The following GSTCD variants were observed in gnomAD, a reference collection of about 807,000 sequenced individuals.
GSTCD encodes glutathione S-transferase C-terminal domain-containing protein.
GSTCD carries 44 observed loss-of-function variants against 68.3 expected under a neutral mutation model. That is an observed-to-expected ratio of 0.64 (90% CI 0.51 to 0.83). The LOEUF (loss-of-function observed/expected upper bound fraction) is 0.83, where lower values mean the gene tolerates loss of function less well. Among genes scored for constraint, GSTCD ranks in the 40% least tolerant of loss-of-function variants. The pLI is 0.00. For synonymous variants in GSTCD, 273 were observed against 255.2 expected (o/e 1.07, Z -0.67); for missense variants, 739 against 735.9 (o/e 1.00, Z -0.05).
chr4:105,802,727 T>G (rs903864849), intron 5 of GSTCD, among the ~76,000 whole-genome samples: 1 of 152,130 alleles, frequency 6.6e-6, no homozygotes, highest in African/African-American at 2.4e-5. Context: ...ATTCAGGAGG[T>G]TCTCTTAAGC....
chr4:105,807,719 A>G (rs1182047299), intron 5 of GSTCD, among the ~76,000 whole-genome samples: 1 of 152,104 alleles, frequency 6.6e-6, no homozygotes, highest in Non-Finnish European at 1.5e-5. Flanking sequence ...CAGGGAGCAC[A>G]TGGTATCAGT....
chr4:105,811,562 A>G (rs1722753315), intron 5 of GSTCD, among the ~76,000 whole-genome samples: 2 of 149,174 alleles, frequency 1.3e-5, no homozygotes, highest in African/African-American at 2.5e-5. Flanking sequence ...GGATAGCATT[A>G]GGAGATATAC....
intron 4 of GSTCD, 37 bp from the exon 5 acceptor site, chr4:105,729,369 A>C: frequency 2.3e-6 from 3 of 1,325,090 alleles, no homozygotes; most frequent in Non-Finnish European, 3.2e-6. Context: ...GACTATATTA[A>C]TTCCTTAATT....
chr4:105,825,290 C>T (rs569484995), intron 7 of GSTCD, among the ~76,000 whole-genome samples: 12 of 152,158 alleles, frequency 7.9e-5, no homozygotes, highest in South Asian at 6.2e-4. Context: ...CTACTATGCC[C>T]GGCTAATTTT....
intron 5 of GSTCD, among the ~76,000 whole-genome samples, chr4:105,747,889 T>TTCG (rs1578432484): frequency 6.6e-6 from 1 of 151,360 alleles, no homozygotes; most frequent in Admixed American, 6.6e-5. Flanking sequence ...GTGTAAACAG[T>TTCG]TTGTTGTTGT....
intron 8 of GSTCD, 22 bp downstream of exon 8, chr4:105,825,822 AT>A (rs1723575392): frequency 7.2e-7 from 1 of 1,390,652 alleles, no homozygotes; most frequent in Non-Finnish European, 1.0e-6. Flanking sequence ...AGTAATTTCA[AT>A]TTCTTTAATT....
At chr4:105,826,186 T>A (rs1723596651) in intron 8 of GSTCD, 2 of 152,342 alleles carry the variant, frequency 1.3e-5, no homozygotes, top group African/African-American at 4.8e-5. Flanking sequence ...TTGTTAGTAA[T>A]CTCTAAATAC....
At chr4:105,837,776 ATTT>A (rs1393003700) in intron 9 of GSTCD, 80 bp from the exon 10 acceptor site, 6 of 616,870 alleles carry the variant, frequency 9.7e-6, no homozygotes, top group Non-Finnish European at 1.7e-5. Flanking sequence ...TACAAAGCAT[ATTT>A]TTATATAATT....
In GSTCD at chr4:105,811,613, G is replaced by T. The variant is rs530575937; in HGVS notation, c.1241-11341G>T. Among the ~76,000 whole-genome samples the T allele has an allele frequency of 5.8e-4, 87 of 151,062 alleles. 1 individual carries two copies. Among genetic ancestry groups the T allele is most frequent in the Non-Finnish European group, 3.4e-4 (23 of 67,768 alleles). On this transcript the variant is annotated intron_variant, in intron 5 of 11. Transcript: ENST00000515279. Reference sequence around the variant, plus strand: ...GAGTTAGTGGGTGCAGCACACCAGCGTGGCACATGTATACATATGTAACTA... The same window carrying T: ...GAGTTAGTGGGTGCAGCACACCAGCTTGGCACATGTATACATATGTAACTA...
chr4:105,817,987 A>T (rs548752503), intron 5 of GSTCD, among the ~76,000 whole-genome samples: 1 of 152,062 alleles, frequency 6.6e-6, no homozygotes, highest in African/African-American at 2.4e-5. Flanking sequence ...GAGAAAACTC[A>T]TTCATTAAAC....
intron 5 of GSTCD, among the ~76,000 whole-genome samples, chr4:105,750,238 C>T (rs897951942): frequency 5.3e-5 from 8 of 151,838 alleles, no homozygotes; most frequent in East Asian, 1.9e-4. Flanking sequence ...CCGAGGCGGG[C>T]GGATGACCTG....
intron 5 of GSTCD, among the ~76,000 whole-genome samples, chr4:105,763,374 A>AT (rs759374041): frequency 9.2e-5 from 14 of 152,172 alleles, no homozygotes; most frequent in Non-Finnish European, 1.6e-4. Context: ...TGTGGAAAAC[A>AT]TTATCTTAAT....
intron 5 of GSTCD, among the ~76,000 whole-genome samples, chr4:105,791,030 C>CA (rs955093109): frequency 1.3e-5 from 2 of 151,218 alleles, no homozygotes; most frequent in African/African-American, 2.4e-5. Context: ...TTCTCATGGC[C>CA]AAAAAAACAA....
chr4:105,827,403 T>C (rs1445964577), intron 8 of GSTCD, among the ~76,000 whole-genome samples: 3 of 152,220 alleles, frequency 2.0e-5, no homozygotes, highest in Non-Finnish European at 2.9e-5. Flanking sequence ...TATATCTCTT[T>C]GGAAGTGAAA....
At chr4:105,713,931 G>T (rs980734431) in intron 1 of GSTCD, among the ~76,000 whole-genome samples, 2 of 151,286 alleles carry the variant, frequency 1.3e-5, no homozygotes, top group Non-Finnish European at 2.9e-5. Context: ...TTTCTGGACT[G>T]TGGAGAAGTA....
intron 5 of GSTCD, among the ~76,000 whole-genome samples, chr4:105,758,356 C>T (rs1373683562): frequency 6.6e-6 from 1 of 152,120 alleles, no homozygotes; most frequent in African/African-American, 2.4e-5. Context: ...GGAGGTGGGG[C>T]CTGGTGGGAG....
chr4:105,710,720 T>G (rs377718836), intron 1 of GSTCD: 2 of 152,210 alleles, frequency 1.3e-5, no homozygotes, highest in East Asian at 3.8e-4. Flanking sequence ...GTAATTTTAT[T>G]TCATACTTGG....
At chr4:105,784,740 C>T (rs1230094280) in intron 5 of GSTCD, among the ~76,000 whole-genome samples, 1 of 152,066 alleles carries the variant, frequency 6.6e-6, no homozygotes, top group Non-Finnish European at 1.5e-5. Context: ...AGGATAAATT[C>T]GTGGATTCTT....
intron 10 of GSTCD, among the ~76,000 whole-genome samples, chr4:105,840,938 GC>G (rs1180008707): frequency 3.9e-5 from 6 of 152,106 alleles, no homozygotes; most frequent in African/African-American, 1.4e-4. Flanking sequence ...CCAAGAACTA[GC>G]TACCACCCTG....
Sources: allele counts gnomAD v4.1 joint callset (sites outside exome capture counted in the v4.1 genomes callset), GRCh38; gene constraint gnomAD v4.1.1; transcripts MANE v1.5; gene names NCBI Gene and HGNC (gene_info 2026-07-23, HGNC 2026-07-21).